ERC2: variants seen among roughly 807,000 people sequenced by gnomAD.
ERC2 encodes ELKS/RAB6-interacting/CAST family member 2, also known as ERC protein 2.
In ERC2, 42 loss-of-function variants were observed where a neutral mutation model predicts 114.8. The ratio of observed to expected loss-of-function variants is 0.37; its 90% confidence interval spans 0.29 to 0.47. The LOEUF (loss-of-function observed/expected upper bound fraction) is 0.47, where lower values mean the gene tolerates loss of function less well. Ranked by LOEUF, ERC2 falls within the 20% of genes least tolerant of loss-of-function variation. The pLI is 0.99. For synonymous variants in ERC2, 454 were observed against 425.5 expected (o/e 1.07, Z -0.82); for missense variants, 939 against 1,150.7 (o/e 0.82, Z 2.66).
chr3:55,641,706 C>T (rs768721870), intron 17 of ERC2, among the ~76,000 whole-genome samples: 1 of 152,014 alleles, frequency 6.6e-6, no homozygotes, highest in Non-Finnish European at 1.5e-5. Context: ...AGGAACCTTC[C>T]CTACTGATGC....
At chr3:55,768,730 TG>T (rs1429550663) in intron 14 of ERC2, among the ~76,000 whole-genome samples, 3 of 152,040 alleles carry the variant, frequency 2.0e-5, no homozygotes, top group African/African-American at 7.2e-5. Context: ...AGCAAGCCAA[TG>T]GGGCCGGAGC....
At chr3:55,737,702 A>T (rs1205848675) in intron 14 of ERC2, among the ~76,000 whole-genome samples, 2 of 152,224 alleles carry the variant, frequency 1.3e-5, no homozygotes. Flanking sequence ...AACCTTAGTG[A>T]TGTGAAAATA....
At chr3:55,621,061 C>G (rs747465636) in intron 17 of ERC2, among the ~76,000 whole-genome samples, 8 of 152,224 alleles carry the variant, frequency 5.3e-5, no homozygotes, top group African/African-American at 1.4e-4. Context: ...AGCCAGGAGG[C>G]CTTGAAGCAC....
intron 15 of ERC2, among the ~76,000 whole-genome samples, chr3:55,719,332 A>T (rs2064310995): frequency 6.6e-6 from 1 of 152,190 alleles, no homozygotes; most frequent in South Asian, 2.1e-4. Flanking sequence ...CAGAACCAGA[A>T]TGTGATAACT....
chr3:55,548,354 A>G (rs2054905216), intron 17 of ERC2, among the ~76,000 whole-genome samples: 1 of 152,240 alleles, frequency 6.6e-6, no homozygotes, highest in South Asian at 2.1e-4. Flanking sequence ...GAATTACTCT[A>G]CTAATTGACT....
chr3:56,219,671 T>A lies in ERC2; in HGVS notation c.1075-46151A>T, dbSNP rs542579902. On this transcript the variant is annotated intron_variant, in intron 3 of 17. Coordinates refer to ENST00000288221, the MANE Select transcript of ERC2 (RefSeq NM_015576.3). ...GAATTGAAGGACAAGAAGGCTCAAG[T>A]GCGAAAAAAAAAAAAAAAAAGAAAT... 5.9e-3 allele frequency among the ~76,000 whole-genome samples: 432 copies of A among 73,772 alleles called. 2 individuals are homozygous for A. Among genetic ancestry groups the A allele is most frequent in the African/African-American group, 0.015 (401 of 26,632 alleles). 48.4% of individuals were successfully genotyped at this position (73,772 alleles called of 152,430 possible).
chr3:56,368,185 T>A (rs58055413), intron 2 of ERC2, among the ~76,000 whole-genome samples: 7,832 of 137,714 alleles, frequency 0.057, 258 homozygotes, highest in South Asian at 0.083. Flanking sequence ...CTTTTTTTTT[T>A]AAAAAAAAAA....
intron 6 of ERC2, among the ~76,000 whole-genome samples, chr3:56,131,479 T>C (rs1219489269): frequency 2.0e-5 from 3 of 152,210 alleles, no homozygotes; most frequent in Non-Finnish European, 4.4e-5. Context: ...TGTATGCTAC[T>C]AACTTTTCTA....
At chr3:55,883,691 C>A (rs1016996441) in intron 14 of ERC2, among the ~76,000 whole-genome samples, 5 of 151,998 alleles carry the variant, frequency 3.3e-5, no homozygotes, top group African/African-American at 1.2e-4. Flanking sequence ...AGATCGAGAC[C>A]ATCCTGGCTA....
Position 56,461,219 on chromosome 3 carries a change from C to A in ERC2, c.-141+7029G>T, listed in dbSNP as rs1577069132. On this transcript the variant is annotated intron_variant, in intron 1 of 17. Transcript: ENST00000288221. ...AGGCTTCAGGTTAATCCAGAAGGCA[C>A]CCAAAAAGTAAGTTACATAAAGTTT... 2.0e-5 allele frequency among the ~76,000 whole-genome samples: 3 copies of A among 152,004 alleles called. No individual in the cohort carries two copies. The East Asian group carries it at 5.8e-4, about 29-fold the overall frequency.
At chr3:55,621,373 C>T (rs1331602145) in intron 17 of ERC2, among the ~76,000 whole-genome samples, 1 of 152,136 alleles carries the variant, frequency 6.6e-6, no homozygotes, top group East Asian at 1.9e-4. Flanking sequence ...TCATGAAAAG[C>T]AAAAGAGGGT....
At chr3:56,260,884 C>T (rs183511876) in intron 3 of ERC2, among the ~76,000 whole-genome samples, 23 of 152,298 alleles carry the variant, frequency 1.5e-4, no homozygotes, top group African/African-American at 5.1e-4. Flanking sequence ...CATGGTCTAC[C>T]ATATCTCACA....
At chr3:56,156,789 C>G (rs1296555076) in intron 4 of ERC2, among the ~76,000 whole-genome samples, 3 of 152,142 alleles carry the variant, frequency 2.0e-5, no homozygotes, top group Non-Finnish European at 4.4e-5. Flanking sequence ...TAATGCCAAC[C>G]TGAACACTAA....
intron 14 of ERC2, among the ~76,000 whole-genome samples, chr3:55,790,965 T>G (rs1221155801): frequency 6.6e-6 from 1 of 152,208 alleles, no homozygotes; most frequent in Non-Finnish European, 1.5e-5. Flanking sequence ...CTGATGGGTG[T>G]GAGTTTGGGC....
At chr3:55,563,576 T>TGA (rs1008878058) in intron 17 of ERC2, among the ~76,000 whole-genome samples, 4 of 151,968 alleles carry the variant, frequency 2.6e-5, no homozygotes, top group South Asian at 2.1e-4. Flanking sequence ...AAGAGAACAC[T>TGA]GAGAGAGAGA....
At chr3:56,197,110 T>C (rs2048155730) in intron 3 of ERC2, among the ~76,000 whole-genome samples, 1 of 152,158 alleles carries the variant, frequency 6.6e-6, no homozygotes, top group Non-Finnish European at 1.5e-5. Flanking sequence ...GATACAGGCA[T>C]GATCCTAAGA....
intron 12 of ERC2, among the ~76,000 whole-genome samples, chr3:55,962,358 C>T (rs2068445526): frequency 6.6e-6 from 1 of 152,210 alleles, no homozygotes; most frequent in Admixed American, 6.5e-5. Context: ...GTCAAAACTA[C>T]TTAACTTTGC....
intron 3 of ERC2, among the ~76,000 whole-genome samples, chr3:56,245,640 T>C (rs1021580404): frequency 5.3e-5 from 8 of 151,590 alleles, no homozygotes; most frequent in African/African-American, 1.9e-4. Context: ...GCCTCCTGGG[T>C]TCAAGCAATT....
chr3:55,933,170 C>G (rs1197752496), intron 13 of ERC2, among the ~76,000 whole-genome samples: 2 of 149,932 alleles, frequency 1.3e-5, no homozygotes, highest in East Asian at 3.9e-4. Context: ...GATCGCGCCA[C>G]TGCACTCCAA....
Sources: allele counts gnomAD v4.1 joint callset (sites outside exome capture counted in the v4.1 genomes callset), GRCh38; gene constraint gnomAD v4.1.1; transcripts MANE v1.5; gene names NCBI Gene and HGNC (gene_info 2026-07-23, HGNC 2026-07-21).